Variants in KMT2D observed in about 807,000 individuals in gnomAD.
KMT2D encodes lysine methyltransferase 2D, also known as histone-lysine N-methyltransferase 2D.
A neutral mutation model predicts 512.7 loss-of-function variants in KMT2D; 55 were observed. That is an observed-to-expected ratio of 0.11 (90% CI 0.09 to 0.13). The LOEUF (loss-of-function observed/expected upper bound fraction) is 0.13. Among genes scored for constraint, KMT2D ranks in the 10% least tolerant of loss-of-function variants. The pLI, the probability that KMT2D is intolerant of heterozygous loss-of-function variation, is 1.00. For missense variants in KMT2D, 6,061 were observed against 7,127.9 expected, an observed-to-expected ratio of 0.85 and a Z score of 5.39; for synonymous variants, 2,995 against 2,904.0, an observed-to-expected ratio of 1.03 and a Z score of -1.01.
At position 49,049,867 on chromosome 12, in the gene KMT2D, C is replaced by T. The variant is rs1399354114; in HGVS notation, c.3721G>A (p.Glu1241Lys). The change falls in exon 12 of 55, where the codon GAG becomes AAG. Residue 1241 changes from glutamate to lysine, a missense_variant. By Grantham distance (56) the Glu-to-Lys change is moderately conservative. Coordinates refer to ENST00000301067, the MANE Select transcript of KMT2D (RefSeq NM_003482.4). ...CTAACATCCGTAGAGACCCCCAACT[C>T]CATGGACAGGGAGCCACCCCCCTCC... ...DPEGGGSLSM[E>K]LGVSTDVSPA... 6.2e-7 allele frequency: 1 copy of T among 1,613,844 alleles called. No individual in the cohort carries two copies. The highest frequency in any genetic ancestry group is 8.5e-7 in the Non-Finnish European group (1 of 1,179,890).
At chr12:49,048,938 T>A (rs1205841549) in intron 13 of KMT2D, among the ~76,000 whole-genome samples, 167 bp downstream of exon 13, 6 of 152,234 alleles carry the variant, frequency 3.9e-5, no homozygotes, top group Non-Finnish European at 7.3e-5. Flanking sequence ...CTCAGTCTGA[T>A]AGCAGAGATT....
chr12:49,047,896 G>C, intron 15 of KMT2D, 69 bp downstream of exon 15: 1 of 1,116,514 alleles, frequency 9.0e-7, no homozygotes, highest in Admixed American at 1.8e-5. Flanking sequence ...GTATGGCCAG[G>C]ACAAGGAACT....
In KMT2D at chr12:49,051,421, G is replaced by C. The variant is rs773742100; in HGVS notation, c.2262C>G (p.Pro754=). ...SPRPEEPHLS[P]RPEEPHLSPQ... is the part of the protein sequence containing the mutation. The stretch of plus-strand genomic sequence containing the variant: ...GAGATAGGTGTGGCTCCTCAGGCCG[G>C]GGGGACAGGTGCGGCTCCTCAGGCC... Residue 754 remains proline (P), a synonymous_variant, in exon 11 of 55, where the codon CCC becomes CCG. Coordinates refer to ENST00000301067, the MANE Select transcript of KMT2D (RefSeq NM_003482.4). 2 of 1,605,348 alleles carry C rather than the reference G, an allele frequency of 1.2e-6. No individual in the cohort carries two copies. Among genetic ancestry groups the C allele is most frequent in the Non-Finnish European group, 1.7e-6 (2 of 1,177,672 alleles).
In KMT2D at chr12:49,027,121, G is replaced by A. The variant is rs2120368196; in HGVS notation, c.14845C>T (p.Pro4949Ser). 6.3e-7 allele frequency: 1 copy of A among 1,590,320 alleles called. No homozygotes were observed. Among genetic ancestry groups the A allele is most frequent in the African/African-American group, 1.3e-5 (1 of 74,602 alleles). The change falls in exon 49 of 55, where the codon CCT becomes TCT. Residue 4949 changes from proline to serine, a missense_variant. Transcript: ENST00000301067. ...TCAGGGGATGAGGCCAGTGGCAGAG[G>A]TGAGGGGACGGGTGGCTCAGCCAAG... Reference protein sequence around the residue: ...EPLAEPPVPSPLPLASSPESA... With the variant: ...EPLAEPPVPSSLPLASSPESA...
Position 49,040,871 on chromosome 12 carries a change from C to T in KMT2D, c.6899G>A (p.Gly2300Glu), listed in dbSNP as rs757251259. Residue 2300 changes from glycine to glutamate, a missense_variant, in exon 32 of 55, where the codon GGG (glycine) becomes GAG (glutamate). Around this residue, in one of 16 missense-constraint regions of KMT2D, gnomAD observed 710 missense variants for 647.3 expected, o/e 1.10. Coordinates refer to ENST00000301067, the MANE Select transcript of KMT2D (RefSeq NM_003482.4). Reference protein sequence around the residue: ...EELGASSPSYGPPNLGFVDSP... With the variant: ...EELGASSPSYEPPNLGFVDSP... Reference sequence around the variant, plus strand: ...GTCAACAAAGCCCAGGTTTGGGGGCCCATAGCTAGGAGAGGATGCCCCAAG... The same window carrying T: ...GTCAACAAAGCCCAGGTTTGGGGGCTCATAGCTAGGAGAGGATGCCCCAAG... The T allele has an allele frequency of 1.2e-6, 2 of 1,613,776 alleles. No homozygotes were observed. The highest frequency in any genetic ancestry group is 1.7e-5 in the Admixed American group (1 of 60,012).
chr12:49,022,322 T>C lies in KMT2D; in HGVS notation c.16370A>G (p.Asn5457Ser), dbSNP rs1426073047. 10 of 1,609,582 alleles carry C rather than the reference T, an allele frequency of 6.2e-6. No homozygotes were observed. The highest frequency in any genetic ancestry group is 1.7e-4 in the Middle Eastern group (1 of 6,058). The change falls in exon 53 of 55, where the codon AAT becomes AGT. Residue 5457 changes from asparagine (N) to serine (S), a missense_variant. By Grantham distance (46) the Asn-to-Ser change is conservative (BLOSUM62 1). Around this residue, in one of 16 missense-constraint regions of KMT2D, gnomAD observed 44 missense variants for 194.7 expected, o/e 0.23. Coordinates refer to ENST00000301067, the MANE Select transcript of KMT2D (RefSeq NM_003482.4). This position sits in a 1 kb window ranked among gnomAD's most constrained non-coding sequence, Gnocchi z 8.6. ...NRGIYMFRIN[N>S]EHVIDATLTG... ...CAACGTAGCATCAATCACATGTTCA[T>C]TGTTTATTCGGAACATGTAGATGCC...
chr12:49,056,315 G>T (rs1000871885), intron 1 of KMT2D, among the ~76,000 whole-genome samples: 2 of 152,100 alleles, frequency 1.3e-5, no homozygotes, highest in Non-Finnish European at 2.9e-5. Context: ...GGGGAATAAC[G>T]GTCCCTTGTC....
chr12:49,036,727 TG>T (rs1424962453), intron 35 of KMT2D, among the ~76,000 whole-genome samples: 1 of 152,134 alleles, frequency 6.6e-6, no homozygotes, highest in Non-Finnish European at 1.5e-5. Context: ...CTTGAACTCC[TG>T]ATCTTAAGTG....
rs2120504496 is a variant in KMT2D, at chr12:49,038,819, C to T, written c.8537G>A (p.Gly2846Asp). 6.4e-7 allele frequency: 1 copy of T among 1,565,074 alleles called. No homozygotes were observed. Among genetic ancestry groups the T allele is most frequent in the Non-Finnish European group, 8.7e-7 (1 of 1,154,486 alleles). The change falls in exon 35 of 55, where the codon GGC (glycine) becomes GAC (aspartate). Residue 2846 changes from glycine (G) to aspartate (D), a missense_variant. Transcript: ENST00000301067. This position sits in a 1 kb window ranked among gnomAD's most constrained non-coding sequence, Gnocchi z 5.7. ...CAACGGGGAACCTAGGGCTTGGCGG[C>T]CAAGTTCAGGTCCAGGAGTTGATGG... ...RFPSTPGPEL[G>D]RQALGSPLAG...
intron 19 of KMT2D, 67 bp downstream of exon 19, chr12:49,045,853 T>C (rs994465358): frequency 7.7e-7 from 1 of 1,291,286 alleles, no homozygotes; most frequent in Non-Finnish European, 1.1e-6. Context: ...AGCTAGGGGG[T>C]TGGAGCTAGA....
At position 49,034,136 on chromosome 12, in the gene KMT2D, T is replaced by C. The variant is rs61942218; in HGVS notation, c.10671A>G (p.Pro3557=). 95,878 of 1,613,254 alleles carry C rather than the reference T, an allele frequency of 0.059. 3,267 individuals carry two copies. Among genetic ancestry groups the C allele is most frequent in the Non-Finnish European group, 0.07 (82,181 of 1,179,856 alleles). The change falls in exon 39 of 55, where the codon CCA becomes CCG. Residue 3557 remains proline (P), a synonymous_variant. Transcript: ENST00000301067. The part of the protein sequence containing the change: ...RTAKKAGREF[P]EADAEKLKLV... ...GCTTGAGCTTCTCAGCATCAGCTTC[T>C]GGGAACTCACGGCCAGCTTTTTTGG...
chr12:49,037,254 C>T lies in KMT2D; in HGVS notation c.10102G>A (p.Val3368Ile), dbSNP rs1339597071. Residue 3368 changes from valine to isoleucine, a missense_variant, in exon 35 of 55, where the codon GTA becomes ATA. Val to Ile is a conservative substitution (Grantham distance 29, BLOSUM62 3). Around this residue, in one of 16 missense-constraint regions of KMT2D, gnomAD observed 533 missense variants for 539.6 expected, o/e 0.99. Transcript: ENST00000301067. Reference sequence around the variant, plus strand: ...ACTGGCTGTGAGCTCTGCTGGGGTACCAAGCCTGCCTGCCCTCCATGCTGC... The same window carrying T: ...ACTGGCTGTGAGCTCTGCTGGGGTATCAAGCCTGCCTGCCCTCCATGCTGC... ...SGQHGGQAGL[V>I]PQQSSQPVLS... is the part of the protein sequence containing the mutation. 1 of 1,613,648 alleles carries T rather than the reference C, an allele frequency of 6.2e-7. No individual in the cohort carries two copies. Among genetic ancestry groups the T allele is most frequent in the Non-Finnish European group, 8.5e-7 (1 of 1,179,844 alleles).
Position 49,033,258 on chromosome 12 carries a change from C to G in KMT2D, c.11447G>C (p.Gly3816Ala), listed in dbSNP as rs1330907821. 1.9e-6 allele frequency: 3 copies of G among 1,558,742 alleles called. No individual in the cohort carries two copies. The highest frequency in any genetic ancestry group is 2.7e-5 in the African/African-American group (2 of 73,430). ...QVAVLQQQHPGALGPQGPHRQ... is the reference protein window; with the variant it reads ...QVAVLQQQHPAALGPQGPHRQ... ...GTGAGGGCCCTGGGGGCCCAAAGCT[C>G]CAGGGTGCTGCTGCTGCAACACAGC... Residue 3816 changes from glycine to alanine, a missense_variant, in exon 40 of 55, where the codon GGA (glycine) becomes GCA (alanine). Physicochemically the swap from Gly to Ala is moderately conservative, Grantham distance 60. Coordinates refer to ENST00000301067, the MANE Select transcript of KMT2D (RefSeq NM_003482.4).
intron 15 of KMT2D, among the ~76,000 whole-genome samples, chr12:49,047,594 T>A (rs1035125876): frequency 5.3e-5 from 1 of 18,962 alleles, no homozygotes; most frequent in Admixed American, 5.6e-4. Context: ...ATTTTTGTTA[T>A]TTTTTAGAAG....
rs2120503808 is a variant in KMT2D, at chr12:49,038,771, G to A, written c.8585C>T (p.Pro2862Leu). The change falls in exon 35 of 55, where the codon CCA becomes CTA. Residue 2862 changes from proline (P) to leucine (L), a missense_variant. Around this residue, in one of 16 missense-constraint regions of KMT2D, gnomAD observed 527 missense variants for 578.9 expected, o/e 0.91. Coordinates refer to ENST00000301067, the MANE Select transcript of KMT2D (RefSeq NM_003482.4). The surrounding 1 kb of genome is among the most constrained non-coding windows in gnomAD (Gnocchi z 5.7). ...SPLAGISTRL[P>L]GPGEPVPGPA... ...ACCAGGCACTGGCTCACCAGGGCCT[G>A]GCAGACGGGTGGAAATTCCCGCCAA... 6.2e-7 allele frequency: 1 copy of A among 1,600,286 alleles called. No homozygotes were observed. The highest frequency in any genetic ancestry group is 8.5e-7 in the Non-Finnish European group (1 of 1,173,546).
At position 49,051,744 on chromosome 12, in the gene KMT2D, G is replaced by T. The variant is rs200106242; in HGVS notation, c.1939C>A (p.Pro647Thr). ...PPPEESPMSP[P>T]PEVSRLSPLP... is the part of the protein sequence containing the mutation. Reference sequence around the variant, plus strand: ...GGGGATAGGCGCGATACCTCAGGTGGGGGGGACATAGGTGATTCTTCAGGT... The same window carrying T: ...GGGGATAGGCGCGATACCTCAGGTGTGGGGGACATAGGTGATTCTTCAGGT... The change falls in exon 11 of 55, where the codon CCA (proline) becomes ACA (threonine). Residue 647 changes from proline to threonine, a missense_variant. By Grantham distance (38) the Pro-to-Thr change is conservative (BLOSUM62 -1). Coordinates refer to ENST00000301067, the MANE Select transcript of KMT2D (RefSeq NM_003482.4). 8.8e-5 allele frequency: 140 copies of T among 1,589,444 alleles called. 1 individual carries two copies. Among genetic ancestry groups the T allele is most frequent in the Non-Finnish European group, 1.2e-4 (137 of 1,159,292 alleles).
chr12:49,021,942 T>C, intron 54 of KMT2D, 70 bp from the exon 55 acceptor site: 1 of 1,557,942 alleles, frequency 6.4e-7, no homozygotes, highest in East Asian at 2.2e-5. Context: ...GAAGATATGA[T>C]CTGAGGTGCC....
intron 13 of KMT2D, 59 bp downstream of exon 13, chr12:49,049,046 G>T: frequency 9.4e-7 from 1 of 1,060,944 alleles, no homozygotes; most frequent in Non-Finnish European, 1.4e-6. Flanking sequence ...GGACTGGCAG[G>T]ACTCAGAGGG....
chr12:49,027,767 T>C (rs984716736), intron 48 of KMT2D, 36 bp downstream of exon 48: 1 of 1,552,218 alleles, frequency 6.4e-7, no homozygotes, highest in African/African-American at 1.4e-5. Context: ...AGCCCCTTTT[T>C]TCTAACACCC....
Sources: gnomAD v4.1 joint callset for allele counts (sites outside exome capture counted in the v4.1 genomes callset) on GRCh38, gnomAD v4.1.1 for gene constraint, gnomAD v4.1.1 regional missense constraint, Gnocchi (gnomAD v3.1) non-coding constraint, MANE v1.5 for transcripts, NCBI Gene and HGNC (gene_info 2026-07-23, HGNC 2026-07-21) for gene names.